Variants in PTPN13 observed in about 807,000 individuals in gnomAD.
PTPN13 encodes tyrosine-protein phosphatase non-receptor type 13.
In PTPN13, 191 loss-of-function variants were observed where a neutral mutation model predicts 284.0. The observed-to-expected ratio is 0.67, with a 90% CI of 0.60 to 0.76. PTPN13 has a LOEUF of 0.76. Among genes scored for constraint, PTPN13 ranks in the 30% least tolerant of loss-of-function variants. The pLI is 0.00. For synonymous variants in PTPN13, 986 were observed against 1,022.3 expected (o/e 0.96, Z 0.68); for missense variants, 2,797 against 2,939.9 (o/e 0.95, Z 1.12).
In PTPN13 at chr4:86,689,170, G is replaced by A. The variant is rs756379443; in HGVS notation, c.526G>A (p.Val176Ile). ...CTACGTGAAACACTTGGTAAAACTG[G>A]TTCTGGGAAATCTTTCTGGGGTAAG... ...FSYVKHLVKL[V>I]LGNLSGTDQL... The change falls in exon 5 of 48, where the codon GTT (valine) becomes ATT (isoleucine). Residue 176 changes from valine to isoleucine, a missense_variant. Transcript: ENST00000411767. The A allele has an allele frequency of 4.3e-6, 7 of 1,613,140 alleles. No individual in the cohort carries two copies. The South Asian group carries it at 6.6e-5, about 15-fold the overall frequency.
At chr4:86,636,237 AG>A (rs1457323664) in intron 2 of PTPN13, among the ~76,000 whole-genome samples, 1 of 152,242 alleles carries the variant, frequency 6.6e-6, no homozygotes, top group Non-Finnish European at 1.5e-5. Context: ...AGAATGATAT[AG>A]GGTCAACAAG....
At chr4:86,719,069 G>A (rs1164654382) in intron 9 of PTPN13, among the ~76,000 whole-genome samples, 2 of 152,042 alleles carry the variant, frequency 1.3e-5, no homozygotes, top group South Asian at 2.1e-4. Context: ...ATACTATTTT[G>A]TCAAGCAGGT....
At chr4:86,814,430 T>C (rs1222915708) in intron 47 of PTPN13, 26 bp from the exon 48 acceptor site, 1 of 1,438,288 alleles carries the variant, frequency 7.0e-7, no homozygotes, top group South Asian at 1.2e-5. Flanking sequence ...ATCTAAAGTA[T>C]TCTATCTCAC....
chr4:86,611,798 A>G (rs12509039), intron 1 of PTPN13, among the ~76,000 whole-genome samples: 1,576 of 152,014 alleles, frequency 0.01, 11 homozygotes, highest in Non-Finnish European at 0.013. Flanking sequence ...AGAAGTGAGA[A>G]CTGCAGAGAA....
intron 42 of PTPN13, among the ~76,000 whole-genome samples, chr4:86,800,341 A>ATT (rs374508024): frequency 1.4e-5 from 2 of 142,052 alleles, no homozygotes; most frequent in African/African-American, 5.2e-5. Context: ...AGCAAAGTCT[A>ATT]TTTTTTTTTT....
rs200528089 is a variant in PTPN13, at chr4:86,735,635, C to T, written c.2193C>T (p.Pro731=). 4.3e-5 allele frequency: 70 copies of T among 1,613,394 alleles called. No homozygotes were observed. Among genetic ancestry groups the T allele is most frequent in the Admixed American group, 2.5e-4 (15 of 59,952 alleles). The part of the protein sequence containing the change: ...VSYFRMEHYL[P]ARVMEKLDLS... Reference sequence around the variant, plus strand: ...ACTTTAGAATGGAGCACTATTTGCCCGCCAGAGTGATGGAGAAACTTGATT... The same window carrying T: ...ACTTTAGAATGGAGCACTATTTGCCTGCCAGAGTGATGGAGAAACTTGATT... Residue 731 remains proline, a synonymous_variant, in exon 15 of 48, where the codon CCC becomes CCT. Coordinates refer to ENST00000411767, the MANE Select transcript of PTPN13 (RefSeq NM_080683.3).
At chr4:86,618,408 G>A (rs200472085) in intron 1 of PTPN13, among the ~76,000 whole-genome samples, 25,177 of 151,720 alleles carry the variant, frequency 0.17, 2,366 homozygotes, top group East Asian at 0.29. Context: ...TTGGCGATGT[G>A]GGCTCTTTTT....
chr4:86,813,679 G>A lies in PTPN13; in HGVS notation c.7363-777G>A, dbSNP rs78375787. On this transcript the variant is annotated intron_variant, in intron 47 of 47. Coordinates refer to ENST00000411767, the MANE Select transcript of PTPN13 (RefSeq NM_080683.3). ...TGGCCTCAAGTGATCCACCTGCCTC[G>A]GCCTCTGAGATTACAGGCATGAACC... 5.2e-3 allele frequency among the ~76,000 whole-genome samples: 793 copies of A among 152,104 alleles called. 32 individuals are homozygous for A. The East Asian group carries it at 0.089, about 17-fold the overall frequency.
At chr4:86,677,538 C>T (rs1332328781) in intron 3 of PTPN13, among the ~76,000 whole-genome samples, 2 of 151,470 alleles carry the variant, frequency 1.3e-5, no homozygotes, top group East Asian at 2.0e-4. Flanking sequence ...TGGTCTCGAT[C>T]GCTTGACCTC....
At chr4:86,695,267 A>G (rs1730477280) in intron 6 of PTPN13, among the ~76,000 whole-genome samples, 2 of 152,054 alleles carry the variant, frequency 1.3e-5, no homozygotes, top group African/African-American at 4.8e-5. Context: ...TATATGGGCC[A>G]AAAAAATAAC....
At chr4:86,600,695 G>T (rs954941194) in intron 1 of PTPN13, among the ~76,000 whole-genome samples, 3 of 151,732 alleles carry the variant, frequency 2.0e-5, no homozygotes, top group Admixed American at 6.6e-5. Flanking sequence ...TTTGTTTTTT[G>T]AGGAAAGATA....
intron 40 of PTPN13, among the ~76,000 whole-genome samples, chr4:86,788,281 T>C (rs1241636555): frequency 6.6e-6 from 1 of 152,220 alleles, no homozygotes; most frequent in African/African-American, 2.4e-5. Flanking sequence ...GGAAAAGTTT[T>C]CTGTTTCATC....
chr4:86,699,004 A>G (rs2148996803), intron 6 of PTPN13, among the ~76,000 whole-genome samples: 1 of 152,290 alleles, frequency 6.6e-6, no homozygotes, highest in Middle Eastern at 3.4e-3. Flanking sequence ...AGTCTTTGAT[A>G]AAGTAAAATT....
chr4:86,779,817 G>A (rs1279668414), intron 35 of PTPN13, among the ~76,000 whole-genome samples: 1 of 151,988 alleles, frequency 6.6e-6, no homozygotes, highest in African/African-American at 2.4e-5. Context: ...TGGCTGTTTT[G>A]TACTTTGGGT....
At chr4:86,766,335 T>C in intron 26 of PTPN13, 97 bp from the exon 27 acceptor site, 1 of 916,838 alleles carries the variant, frequency 1.1e-6, no homozygotes, top group Non-Finnish European at 1.6e-6. Context: ...AGAATTTGCC[T>C]GAGTCCCTCC....
intron 10 of PTPN13, among the ~76,000 whole-genome samples, chr4:86,731,026 T>C (rs566587750): frequency 9.8e-5 from 15 of 152,340 alleles, no homozygotes; most frequent in Admixed American, 5.9e-4. Flanking sequence ...TGTTGAACTT[T>C]TACTTTTACA....
chr4:86,695,299 G>A (rs948344939), intron 6 of PTPN13, among the ~76,000 whole-genome samples: 1 of 151,982 alleles, frequency 6.6e-6, no homozygotes, highest in Non-Finnish European at 1.5e-5. Context: ...AATTTTGAAA[G>A]TATTTTTCAT....
intron 3 of PTPN13, among the ~76,000 whole-genome samples, chr4:86,682,633 A>G (rs1344605616): frequency 6.6e-6 from 1 of 152,162 alleles, no homozygotes; most frequent in African/African-American, 2.4e-5. Flanking sequence ...CACAATATAT[A>G]TATGCAGTCT....
At chr4:86,689,385 AGATT>A (rs1305022263) in intron 5 of PTPN13, among the ~76,000 whole-genome samples, 195 bp downstream of exon 5, 3 of 152,206 alleles carry the variant, frequency 2.0e-5, no homozygotes, top group African/African-American at 4.8e-5. Flanking sequence ...CAATAAGTCT[AGATT>A]TTGTGAGAAT....
Sources: gnomAD v4.1 joint callset for allele counts (sites outside exome capture counted in the v4.1 genomes callset) on GRCh38, gnomAD v4.1.1 for gene constraint, MANE v1.5 for transcripts, NCBI Gene and HGNC (gene_info 2026-07-23, HGNC 2026-07-21) for gene names.